RYK: variants seen among roughly 807,000 people sequenced by gnomAD.
RYK encodes inactive tyrosine-protein kinase RYK.
Under a neutral mutation model 70.2 loss-of-function variants are expected in RYK, and 21 were observed. The ratio of observed to expected loss-of-function variants is 0.30; its 90% CI spans 0.21 to 0.43. The LOEUF (loss-of-function observed/expected upper bound fraction) is 0.43, where lower values mean the gene tolerates loss of function less well. RYK is among the 20% of genes least tolerant of loss of function. RYK has a pLI of 1.00. For missense variants in RYK, 604 were observed against 753.3 expected (o/e 0.80, Z 2.32); for synonymous variants, 267 against 278.0 (o/e 0.96, Z 0.39).
At chr3:134,195,037 T>C (rs2013768666) in intron 7 of RYK, 45 bp downstream of exon 7, 2 of 1,340,046 alleles carry the variant, frequency 1.5e-6, no homozygotes, top group Non-Finnish European at 2.1e-6. Flanking sequence ...GGAAGCAGCA[T>C]AGACAACTTG....
intron 1 of RYK, among the ~76,000 whole-genome samples, chr3:134,229,810 C>T (rs1400633608): frequency 6.6e-6 from 1 of 151,940 alleles, no homozygotes; most frequent in African/African-American, 2.4e-5. Context: ...TGAAGAGGTG[C>T]TAAACATCCT....
At chr3:134,234,096 T>C (rs1207268348) in intron 1 of RYK, among the ~76,000 whole-genome samples, 2 of 152,108 alleles carry the variant, frequency 1.3e-5, no homozygotes, top group African/African-American at 4.8e-5. Flanking sequence ...TTCTCTTAAA[T>C]TTTCTATGAA....
chr3:134,202,389 G>A (rs2014053707), intron 6 of RYK: 1 of 214,264 alleles, frequency 4.7e-6, no homozygotes. Flanking sequence ...AAGAGAGAAA[G>A]GGAGAATGAT....
chr3:134,208,081 A>G (rs1321120346), intron 4 of RYK, among the ~76,000 whole-genome samples: 2 of 152,240 alleles, frequency 1.3e-5, no homozygotes, highest in African/African-American at 4.8e-5. Flanking sequence ...CAACAAATAC[A>G]GAGGGCCAGA....
At chr3:134,211,186 A>G (rs1245456186) in intron 3 of RYK, among the ~76,000 whole-genome samples, 1 of 152,154 alleles carries the variant, frequency 6.6e-6, no homozygotes, top group East Asian at 1.9e-4. Context: ...GACCGTGCAA[A>G]GATCATCTGG....
Position 134,250,766 on chromosome 3 carries a change from G to T in RYK, c.-112C>A. On this transcript the variant is annotated 5_prime_UTR_variant, in exon 1 of 15. Coordinates refer to ENST00000623711, the MANE Select transcript of RYK (RefSeq NM_002958.4). ...GCCGGGGGCGGCTGCCCAGCTCATCGCACCGCCGGCCCGTGGCAGCCAGCA... is the reference window on the plus strand; with the variant it reads ...GCCGGGGGCGGCTGCCCAGCTCATCTCACCGCCGGCCCGTGGCAGCCAGCA... 2.7e-6 allele frequency: 1 copy of T among 375,320 alleles called. No individual in the cohort carries two copies. The highest frequency in any genetic ancestry group is 3.7e-6 in the Non-Finnish European group (1 of 272,848). The allele number at this position is 375,320 out of a possible 1,614,324, so 23.2% of individuals were successfully genotyped here. A position where few individuals can be genotyped will look rare whatever the true frequency, so the allele number is the denominator to read the frequency against.
At chr3:134,222,614 C>A in intron 1 of RYK, 75 bp from the exon 2 acceptor site, 1 of 1,241,172 alleles carries the variant, frequency 8.1e-7, no homozygotes, top group South Asian at 1.4e-5. Flanking sequence ...ATTTCAAATA[C>A]AAATAGAGTG....
chr3:134,228,184 GGGT>G (rs1381168094), intron 1 of RYK, among the ~76,000 whole-genome samples: 2 of 152,102 alleles, frequency 1.3e-5, no homozygotes. Flanking sequence ...CTCACTACTT[GGGT>G]GGCTGAGATG....
At chr3:134,211,996 A>G (rs1393484718) in intron 2 of RYK, among the ~76,000 whole-genome samples, 1 of 152,234 alleles carries the variant, frequency 6.6e-6, no homozygotes, top group East Asian at 1.9e-4. Flanking sequence ...TTGATAAATG[A>G]AAGCCAAGCT....
intron 13 of RYK, among the ~76,000 whole-genome samples, chr3:134,159,703 A>G (rs755731529): frequency 3.3e-4 from 51 of 152,354 alleles, no homozygotes; most frequent in Non-Finnish European, 5.0e-4. Context: ...GCTAGTCTGC[A>G]TAATTGAGAA....
chr3:134,230,982 C>A (rs892066703), intron 1 of RYK, among the ~76,000 whole-genome samples: 1 of 151,942 alleles, frequency 6.6e-6, no homozygotes, highest in Admixed American at 6.6e-5. Flanking sequence ...TCACCAACTT[C>A]CATATTTAAA....
chr3:134,218,116 CTATTA>C (rs2014615748), intron 2 of RYK, among the ~76,000 whole-genome samples: 1 of 152,164 alleles, frequency 6.6e-6, no homozygotes, highest in African/African-American at 2.4e-5. Context: ...TAACCTCACT[CTATTA>C]TGAGTAAAAT....
intron 9 of RYK, among the ~76,000 whole-genome samples, chr3:134,185,779 A>G (rs950782831): frequency 2.6e-5 from 4 of 152,216 alleles, no homozygotes; most frequent in African/African-American, 9.6e-5. Flanking sequence ...ACTGGTAAGG[A>G]GATCTAAGTA....
At chr3:134,209,469 A>C (rs1395744004) in intron 4 of RYK, among the ~76,000 whole-genome samples, 2 of 152,208 alleles carry the variant, frequency 1.3e-5, no homozygotes, top group Non-Finnish European at 2.9e-5. Flanking sequence ...ACATCTTAGC[A>C]ATTCTGACAA....
intron 1 of RYK, among the ~76,000 whole-genome samples, chr3:134,242,810 A>G (rs2107697173): frequency 6.6e-6 from 1 of 152,350 alleles, no homozygotes; most frequent in Middle Eastern, 3.4e-3. Flanking sequence ...CACAGGGGAC[A>G]GGTTTAGCCA....
chr3:134,166,462 T>C (rs953619191), intron 13 of RYK, among the ~76,000 whole-genome samples: 1 of 152,238 alleles, frequency 6.6e-6, no homozygotes, highest in African/African-American at 2.4e-5. Flanking sequence ...CCAACTCAAC[T>C]TCAAACATCA....
At chr3:134,242,236 C>T (rs2107696789) in intron 1 of RYK, among the ~76,000 whole-genome samples, 1 of 151,110 alleles carries the variant, frequency 6.6e-6, no homozygotes, top group South Asian at 2.1e-4. Context: ...ACCCAGGAGG[C>T]AGAGGTTGCA....
chr3:134,176,002 T>G lies in RYK; in HGVS notation c.1343A>C (p.Gln448Pro). 1 of 1,606,370 alleles carries G rather than the reference T, an allele frequency of 6.2e-7. No homozygotes were observed. The stretch of plus-strand genomic sequence containing the variant: ...CAGGTAGCTCATTCCACAGGCAATC[T>G]GAATAGCCATGTGTACCAGGTCTTG... ...SQQDLVHMAI[Q>P]IACGMSYLAR... Residue 448 changes from glutamine (Q) to proline (P), a missense_variant, in exon 12 of 15, where the codon CAG becomes CCG. By Grantham distance (76) the Gln-to-Pro change is moderately conservative. Coordinates refer to ENST00000623711, the MANE Select transcript of RYK (RefSeq NM_002958.4).
intron 8 of RYK, among the ~76,000 whole-genome samples, chr3:134,189,522 A>G (rs890379130): frequency 2.0e-5 from 3 of 152,148 alleles, no homozygotes; most frequent in Non-Finnish European, 4.4e-5. Flanking sequence ...GCACTTTGGG[A>G]GGCCGAGGCA....
Sources: allele counts gnomAD v4.1 joint callset (sites outside exome capture counted in the v4.1 genomes callset), GRCh38; gene constraint gnomAD v4.1.1; transcripts MANE v1.5; gene names NCBI Gene and HGNC (gene_info 2026-07-23, HGNC 2026-07-21).